The following DPP6 variants were observed in gnomAD, a reference collection of about 807,000 sequenced individuals.
The protein encoded by DPP6 is dipeptidyl peptidase like 6, also known as A-type potassium channel modulatory protein DPP6.
A neutral mutation model predicts 122.6 loss-of-function variants in DPP6; 69 were observed. The observed-to-expected ratio is 0.56, with a 90% confidence interval of 0.46 to 0.69. The LOEUF (loss-of-function observed/expected upper bound fraction) is 0.69. Ranked by LOEUF, DPP6 falls within the 30% of genes least tolerant of loss-of-function variation. The pLI, the probability that DPP6 is intolerant of heterozygous loss-of-function variation, is 0.00. For synonymous variants in DPP6, 418 were observed against 433.1 expected (o/e 0.97, Z 0.43); for missense variants, 928 against 1,116.9 (o/e 0.83, Z 2.41).
At chr7:153,852,117 T>C in the DPP6 span, among the ~76,000 whole-genome samples, 17 of 152,310 alleles carry the variant, frequency 1.1e-4, 1 homozygote, top group Admixed American at 9.8e-4. Flanking sequence ...AGATGAATCT[T>C]GGTAATGCAT....
At chr7:153,895,889 T>A (rs1198137475) in intron 1 of DPP6, among the ~76,000 whole-genome samples, 1 of 152,178 alleles carries the variant, frequency 6.6e-6, no homozygotes, top group Non-Finnish European at 1.5e-5. Flanking sequence ...ATTAAAAAAA[T>A]AACCACACTG....
intron 1 of DPP6, among the ~76,000 whole-genome samples, chr7:154,191,421 T>C (rs991666167): frequency 6.6e-6 from 1 of 152,234 alleles, no homozygotes; most frequent in Non-Finnish European, 1.5e-5. Context: ...ACTTAACCTG[T>C]TAAAATTTTG....
chr7:154,203,100 C>G (rs1479295427), intron 1 of DPP6, among the ~76,000 whole-genome samples: 2 of 152,104 alleles, frequency 1.3e-5, no homozygotes, highest in Non-Finnish European at 2.9e-5. Flanking sequence ...TTCCCACTCA[C>G]TTGAAAATGG....
At chr7:153,881,808 C>T in the DPP6 span, among the ~76,000 whole-genome samples, 1 of 152,156 alleles carries the variant, frequency 6.6e-6, no homozygotes, top group Non-Finnish European at 1.5e-5. Context: ...GTCCTAATGG[C>T]TAAATTTGTA....
chr7:154,690,672 C>A (rs550839275), intron 7 of DPP6, among the ~76,000 whole-genome samples: 1 of 152,180 alleles, frequency 6.6e-6, no homozygotes, highest in Non-Finnish European at 1.5e-5. Context: ...ATCTTCTCCC[C>A]ATCTTCCCCT....
chr7:154,583,115 C>T (rs1832190691), intron 5 of DPP6, among the ~76,000 whole-genome samples: 1 of 152,200 alleles, frequency 6.6e-6, no homozygotes, highest in Admixed American at 6.5e-5. Flanking sequence ...CCCATCTTAC[C>T]AGCAGTCTTC....
At chr7:154,303,773 G>A (rs74467580) in intron 1 of DPP6, among the ~76,000 whole-genome samples, 2,710 of 152,256 alleles carry the variant, frequency 0.018, 67 homozygotes, top group African/African-American at 0.061. Context: ...CTTAGAGTCT[G>A]CCAAATACGT....
At chr7:154,614,576 A>G (rs1227847762) in intron 5 of DPP6, among the ~76,000 whole-genome samples, 3 of 152,190 alleles carry the variant, frequency 2.0e-5, no homozygotes, top group Admixed American at 1.3e-4. Flanking sequence ...CTTGAAAACC[A>G]TGTTTCTCTG....
chr7:154,510,808 A>T (rs930734215), intron 3 of DPP6, among the ~76,000 whole-genome samples: 2 of 152,076 alleles, frequency 1.3e-5, no homozygotes, highest in African/African-American at 2.4e-5. Context: ...CCACTAAATT[A>T]TATACCTAAC....
intron 18 of DPP6, among the ~76,000 whole-genome samples, chr7:154,871,219 C>T (rs1314601525): frequency 1.3e-5 from 2 of 152,006 alleles, no homozygotes; most frequent in African/African-American, 4.8e-5. Context: ...TCATCCCTTC[C>T]TCTTAGGAAA....
At chr7:154,809,208 A>G (rs1331969924) in intron 16 of DPP6, among the ~76,000 whole-genome samples, 11 of 152,186 alleles carry the variant, frequency 7.2e-5, no homozygotes, top group Non-Finnish European at 1.5e-5. Flanking sequence ...AGCAGAAAGC[A>G]ATTCCACTCT....
At chr7:154,264,221 G>A (rs1047519877) in intron 1 of DPP6, among the ~76,000 whole-genome samples, 4 of 152,112 alleles carry the variant, frequency 2.6e-5, no homozygotes, top group Non-Finnish European at 4.4e-5. Context: ...CTCATTATGT[G>A]TAATGCATTT....
At chr7:153,757,309 A>G in the DPP6 span, among the ~76,000 whole-genome samples, 1 of 152,244 alleles carries the variant, frequency 6.6e-6, no homozygotes, top group Non-Finnish European at 1.5e-5. Flanking sequence ...ATTATGAGAC[A>G]TTTTAAAATT....
chr7:154,166,731 C>T (rs1206117083), intron 1 of DPP6, among the ~76,000 whole-genome samples: 6 of 145,176 alleles, frequency 4.1e-5, no homozygotes, highest in South Asian at 2.1e-4. Context: ...GCCAACATGG[C>T]GAAACCCTGT....
In DPP6 at chr7:154,605,715, T is replaced by G. The variant is rs1248380519; in HGVS notation, c.628-32106T>G. On this transcript the variant is annotated intron_variant, in intron 5 of 25. Coordinates refer to ENST00000377770, the MANE Select transcript of DPP6 (RefSeq NM_130797.4). ...CTTAATCTCTCATTAGTACCTACTC[T>G]TATTGATTGATTCCTTCTTTCTGCT... Among the ~76,000 whole-genome samples the G allele has an allele frequency of 9.2e-5, 11 of 119,648 alleles. 5 individuals carry two copies. Among genetic ancestry groups the G allele is most frequent in the Non-Finnish European group, 1.9e-4 (10 of 53,200 alleles). 78.5% of individuals were successfully genotyped at this position (119,648 alleles called of 152,430 possible).
intron 3 of DPP6, among the ~76,000 whole-genome samples, chr7:154,503,296 G>A (rs1171831870): frequency 6.6e-6 from 1 of 152,194 alleles, no homozygotes; most frequent in African/African-American, 2.4e-5. Flanking sequence ...GATTCATAAG[G>A]AAACAGAGCC....
At chr7:154,742,193 C>A (rs750950118) in intron 8 of DPP6, among the ~76,000 whole-genome samples, 1 of 152,174 alleles carries the variant, frequency 6.6e-6, no homozygotes, top group Non-Finnish European at 1.5e-5. Flanking sequence ...GAGGCCAAGA[C>A]CACCTGCAGG....
At chr7:154,333,319 A>G (rs895839655) in intron 1 of DPP6, among the ~76,000 whole-genome samples, 10 of 152,116 alleles carry the variant, frequency 6.6e-5, no homozygotes, top group Admixed American at 2.0e-4. Flanking sequence ...TTAATGTGAA[A>G]GGCAAACACA....
chr7:154,029,877 G>GA (rs199532607), intron 1 of DPP6, among the ~76,000 whole-genome samples: 2,994 of 150,398 alleles, frequency 0.02, 80 homozygotes, highest in African/African-American at 0.068. Flanking sequence ...AAGAAAAAAA[G>GA]AAAAAAATTG....
Sources: gnomAD v4.1 joint callset for allele counts (sites outside exome capture counted in the v4.1 genomes callset) on GRCh38, gnomAD v4.1.1 for gene constraint, MANE v1.5 for transcripts, NCBI Gene and HGNC (gene_info 2026-07-23, HGNC 2026-07-21) for gene names.